Variants in RBFOX1 observed in about 807,000 individuals in gnomAD.
The protein encoded by RBFOX1 is RNA binding fox-1 homolog 1, also known as RNA binding protein fox-1 homolog 1.
RBFOX1 carries 8 observed loss-of-function variants against 57.7 expected under a neutral mutation model. The observed-to-expected ratio is 0.14, with a 90% CI of 0.08 to 0.25. The LOEUF (loss-of-function observed/expected upper bound fraction) is 0.25. RBFOX1 is among the 10% of genes least tolerant of loss of function. RBFOX1 has a pLI of 1.00. For synonymous variants in RBFOX1, 326 were observed against 222.4 expected, an observed-to-expected ratio of 1.47 and a Z score of -4.15; for missense variants, 611 against 548.5, an observed-to-expected ratio of 1.11 and a Z score of -1.14.
Position 7,179,767 on chromosome 16 carries a change from C to G in RBFOX1, c.27+127669C>G, listed in dbSNP as rs933503941. 4.6e-5 allele frequency among the ~76,000 whole-genome samples: 7 copies of G among 152,168 alleles called. No individual in the cohort carries two copies. In the East Asian group the frequency reaches 1.2e-3, roughly 25 times the overall value. ...TCTTTTTGTTTGAGATGGAGTCTTG[C>G]TCTGTCACTCAGTCTGGAATGCAGT... On this transcript the variant is annotated intron_variant, in intron 4 of 15. Coordinates refer to ENST00000550418, the MANE Select transcript of RBFOX1 (RefSeq NM_018723.4).
chr16:6,852,424 G>C (rs1421495159), intron 3 of RBFOX1, among the ~76,000 whole-genome samples: 1 of 152,186 alleles, frequency 6.6e-6, no homozygotes, highest in African/African-American at 2.4e-5. Flanking sequence ...AAGTTTATAA[G>C]TTTCAGGGAT....
chr16:5,437,080 A>G (rs1195045334), intron 1 of RBFOX1, among the ~76,000 whole-genome samples: 1 of 152,134 alleles, frequency 6.6e-6, no homozygotes, highest in African/African-American at 2.4e-5. Flanking sequence ...TGTAGACTGA[A>G]CTTTTGGCTA....
At chr16:5,681,999 G>C (rs921738977) in intron 3 of RBFOX1, among the ~76,000 whole-genome samples, 1 of 152,082 alleles carries the variant, frequency 6.6e-6, no homozygotes, top group African/African-American at 2.4e-5. Context: ...GTTGAAATGC[G>C]TAATATATAT....
intron 4 of RBFOX1, among the ~76,000 whole-genome samples, chr16:7,366,390 C>T (rs1441002075): frequency 2.0e-5 from 3 of 152,188 alleles, no homozygotes; most frequent in Non-Finnish European, 2.9e-5. Context: ...TCCAGGGAAG[C>T]TGCGCCCTGA....
At chr16:5,406,592 A>G (rs2880064) in intron 1 of RBFOX1, among the ~76,000 whole-genome samples, 1 of 151,394 alleles carries the variant, frequency 6.6e-6, no homozygotes, top group African/African-American at 2.4e-5. Context: ...CTCTCTCTCT[A>G]TATATATGTA....
chr16:5,787,352 C>G (rs755962815), intron 3 of RBFOX1, among the ~76,000 whole-genome samples: 1 of 152,138 alleles, frequency 6.6e-6, no homozygotes, highest in African/African-American at 2.4e-5. Flanking sequence ...AGACAGAAGA[C>G]CAATGATGTT....
Position 7,147,732 on chromosome 16 carries a change from A to G in RBFOX1, c.27+95634A>G, listed in dbSNP as rs376736180. Reference sequence around the variant, plus strand: ...TCCTATCTGCCATTGATGGGTATCTAGGTTAATTTCATGTCTTTGCTATGG... The same window carrying G: ...TCCTATCTGCCATTGATGGGTATCTGGGTTAATTTCATGTCTTTGCTATGG... On this transcript the variant is annotated intron_variant, in intron 4 of 15. Transcript: ENST00000550418. 6.9e-4 allele frequency among the ~76,000 whole-genome samples: 105 copies of G among 152,186 alleles called. 1 individual carries two copies. In the South Asian group the frequency reaches 0.021, roughly 30 times the overall value.
intron 3 of RBFOX1, among the ~76,000 whole-genome samples, chr16:5,665,085 A>G (rs1411643361): frequency 2.1e-5 from 3 of 142,384 alleles, no homozygotes; most frequent in Admixed American, 7.2e-5. Context: ...AGCTGAGACC[A>G]CAGGTGTGCA....
At chr16:7,350,747 C>T (rs1004574934) in intron 4 of RBFOX1, among the ~76,000 whole-genome samples, 2 of 151,994 alleles carry the variant, frequency 1.3e-5, no homozygotes, top group Admixed American at 6.6e-5. Flanking sequence ...AAAAGAGGGC[C>T]CGTTTCAGGG....
intron 1 of RBFOX1, among the ~76,000 whole-genome samples, chr16:6,237,613 G>C (rs1464254887): frequency 6.6e-6 from 1 of 152,060 alleles, no homozygotes; most frequent in Admixed American, 6.6e-5. Flanking sequence ...GTGGTGGTGA[G>C]AGCCTGTAAT....
chr16:6,869,399 G>A lies in RBFOX1; in HGVS notation c.-15-182658G>A, dbSNP rs75708968. On this transcript the variant is annotated intron_variant, in intron 3 of 15. Coordinates refer to ENST00000550418, the MANE Select transcript of RBFOX1 (RefSeq NM_018723.4). ...AAAGAGTCAAACATGGGTCTTTCAAGCTCCAAATTCTGTTATTAACCACTG... is the reference window on the plus strand; with the variant it reads ...AAAGAGTCAAACATGGGTCTTTCAAACTCCAAATTCTGTTATTAACCACTG... 6.6e-3 allele frequency among the ~76,000 whole-genome samples: 1,000 copies of A among 152,004 alleles called. 16 individuals carry two copies. The highest frequency in any genetic ancestry group is 0.023 in the African/African-American group (947 of 41,478).
At chr16:7,666,648 G>C (rs1354579319) in intron 13 of RBFOX1, among the ~76,000 whole-genome samples, 1 of 152,190 alleles carries the variant, frequency 6.6e-6, no homozygotes, top group Non-Finnish European at 1.5e-5. Context: ...TTAAGTGAGT[G>C]CGAGTGTGTG....
chr16:7,079,450 C>T (rs1017637143), intron 4 of RBFOX1, among the ~76,000 whole-genome samples: 12 of 152,308 alleles, frequency 7.9e-5, no homozygotes, highest in African/African-American at 2.6e-4. Flanking sequence ...TGTGTACCTG[C>T]ATTTTGTCAT....
At chr16:7,297,287 T>C (rs1315825463) in intron 4 of RBFOX1, among the ~76,000 whole-genome samples, 3 of 152,238 alleles carry the variant, frequency 2.0e-5, no homozygotes, top group African/African-American at 7.2e-5. Context: ...GATGGGTAAT[T>C]GAGAATGAGA....
chr16:6,039,297 G>A (rs1341225114), intron 1 of RBFOX1, among the ~76,000 whole-genome samples: 1 of 148,458 alleles, frequency 6.7e-6, no homozygotes, highest in Admixed American at 6.7e-5. Flanking sequence ...CAGTTGGATT[G>A]GAATTTGGCA....
chr16:7,217,755 G>C (rs2092331799), intron 4 of RBFOX1, among the ~76,000 whole-genome samples: 1 of 152,214 alleles, frequency 6.6e-6, no homozygotes, highest in Non-Finnish European at 1.5e-5. Context: ...AAGATTGCAA[G>C]GAGACATCAG....
intron 14 of RBFOX1, among the ~76,000 whole-genome samples, chr16:7,692,686 A>G (rs1264605162): frequency 6.6e-6 from 1 of 152,184 alleles, no homozygotes; most frequent in East Asian, 1.9e-4. Context: ...AGAGAGTTTT[A>G]TCATCTTTCT....
At chr16:5,860,153 A>C (rs1039326687) in intron 3 of RBFOX1, among the ~76,000 whole-genome samples, 1 of 151,970 alleles carries the variant, frequency 6.6e-6, no homozygotes, top group South Asian at 2.1e-4. Flanking sequence ...CATGATCTCA[A>C]CTCACTGCAA....
intron 4 of RBFOX1, among the ~76,000 whole-genome samples, chr16:7,218,948 C>T (rs1474906052): frequency 1.3e-5 from 2 of 152,032 alleles, no homozygotes; most frequent in Non-Finnish European, 2.9e-5. Flanking sequence ...ATGGTCTGTG[C>T]CTAGCAGAGC....
Sources: allele counts gnomAD v4.1 joint callset (sites outside exome capture counted in the v4.1 genomes callset), GRCh38; gene constraint gnomAD v4.1.1; transcripts MANE v1.5; gene names NCBI Gene and HGNC (gene_info 2026-07-23, HGNC 2026-07-21).